The following QKI variants were observed in gnomAD, a reference collection of about 807,000 sequenced individuals.
QKI encodes KH domain-containing RNA-binding protein QKI.
Under a neutral mutation model 39.0 loss-of-function variants are expected in QKI, and 10 were observed. That is an observed-to-expected ratio of 0.26 (90% CI 0.16 to 0.43). The LOEUF (loss-of-function observed/expected upper bound fraction) is 0.43, where lower values mean the gene tolerates loss of function less well. QKI is among the 20% of genes least tolerant of loss of function. The pLI is 1.00. For missense variants in QKI, 218 were observed against 428.0 expected, an observed-to-expected ratio of 0.51 and a Z score of 4.33; for synonymous variants, 204 against 155.4, an observed-to-expected ratio of 1.31 and a Z score of -2.33.
chr6:163,456,638 A>G (rs919603760), intron 2 of QKI, among the ~76,000 whole-genome samples: 3 of 151,718 alleles, frequency 2.0e-5, no homozygotes, highest in African/African-American at 7.3e-5. Context: ...GCAAAAATTG[A>G]TCTGATACTT....
chr6:163,526,692 T>A (rs1780535942), intron 3 of QKI, among the ~76,000 whole-genome samples: 1 of 152,230 alleles, frequency 6.6e-6, no homozygotes, highest in African/African-American at 2.4e-5. Context: ...AATTCACTCT[T>A]CTCAGCCTTA....
intron 2 of QKI, among the ~76,000 whole-genome samples, chr6:163,466,910 A>G (rs1026508793): frequency 6.6e-6 from 1 of 152,194 alleles, no homozygotes; most frequent in African/African-American, 2.4e-5. Flanking sequence ...TGCACAGCAA[A>G]GAAACAATCA....
At chr6:163,550,001 C>G (rs571083077) in intron 4 of QKI, among the ~76,000 whole-genome samples, 18 of 152,298 alleles carry the variant, frequency 1.2e-4, no homozygotes, top group African/African-American at 4.3e-4. Flanking sequence ...GTAAATGAAG[C>G]TTTGACCGTG....
At chr6:163,559,407 T>G (rs1304159196) in intron 4 of QKI, among the ~76,000 whole-genome samples, 2 of 150,570 alleles carry the variant, frequency 1.3e-5, no homozygotes. Flanking sequence ...TTGATAAGTT[T>G]TAATTTTCAA....
intron 3 of QKI, among the ~76,000 whole-genome samples, chr6:163,479,775 TAGTC>T (rs1272365923): frequency 6.6e-6 from 1 of 152,268 alleles, no homozygotes; most frequent in Non-Finnish European, 1.5e-5. Context: ...GTTTGGAAAT[TAGTC>T]AGACTGTAAT....
At chr6:163,506,430 T>C (rs532180190) in intron 3 of QKI, among the ~76,000 whole-genome samples, 2 of 151,924 alleles carry the variant, frequency 1.3e-5, no homozygotes, top group Non-Finnish European at 2.9e-5. Flanking sequence ...ACAGGACATC[T>C]GTAACCACAG....
chr6:163,505,922 G>A (rs1431694021), intron 3 of QKI, among the ~76,000 whole-genome samples: 2 of 152,096 alleles, frequency 1.3e-5, no homozygotes, highest in African/African-American at 4.8e-5. Flanking sequence ...TTCTTGAATT[G>A]TAATTCCCAT....
intron 2 of QKI, chr6:163,457,479 A>G: frequency 2.2e-6 from 1 of 455,964 alleles, no homozygotes; most frequent in Non-Finnish European, 4.4e-6. Context: ...TCCTTGGACC[A>G]TAGTATCTAC....
rs536862599 is a variant in QKI, at chr6:163,512,291, A to AT, written c.403-22687dup. 2.5e-3 allele frequency among the ~76,000 whole-genome samples: 381 copies of AT among 152,190 alleles called. 1 individual carries two copies. Among genetic ancestry groups the AT allele is most frequent in the Non-Finnish European group, 3.4e-3 (234 of 67,906 alleles). On this transcript the variant is annotated intron_variant, in intron 3 of 7. Transcript: ENST00000361752. ...GTCACAAACAAGCCGAAGATGTTTGATTTTACCCTGTCTATTCCAATTTGT... is the reference window on the plus strand; with the variant it reads ...GTCACAAACAAGCCGAAGATGTTTGATTTTTACCCTGTCTATTCCAATTTGT...
At chr6:163,489,848 A>G (rs752746567) in intron 3 of QKI, among the ~76,000 whole-genome samples, 8 of 152,140 alleles carry the variant, frequency 5.3e-5, no homozygotes, top group African/African-American at 1.2e-4. Context: ...TGGGCTGGGC[A>G]TTGAAATTTG....
At chr6:163,559,753 C>T (rs894810379) in intron 4 of QKI, among the ~76,000 whole-genome samples, 1 of 152,122 alleles carries the variant, frequency 6.6e-6, no homozygotes, top group African/African-American at 2.4e-5. Context: ...TTATAGTATA[C>T]CATTCACCAT....
intron 3 of QKI, among the ~76,000 whole-genome samples, chr6:163,493,314 T>C (rs929644023): frequency 6.6e-5 from 10 of 152,076 alleles, no homozygotes; most frequent in African/African-American, 2.4e-4. Context: ...GTATTTCTAA[T>C]AGTGACGGGG....
chr6:163,477,849 C>T (rs770164642), intron 2 of QKI, among the ~76,000 whole-genome samples: 32 of 152,220 alleles, frequency 2.1e-4, no homozygotes, highest in Non-Finnish European at 4.3e-4. Flanking sequence ...GATTTTCTAG[C>T]ACGTTACTTT....
At chr6:163,497,501 G>T (rs1778485132) in intron 3 of QKI, among the ~76,000 whole-genome samples, 1 of 151,510 alleles carries the variant, frequency 6.6e-6, no homozygotes, top group South Asian at 2.1e-4. Flanking sequence ...ATTTTTTGGT[G>T]CAGTGTTTTA....
At chr6:163,567,028 T>G (rs1188660059) in intron 7 of QKI, 1 of 1,165,028 alleles carries the variant, frequency 8.6e-7, no homozygotes, top group Non-Finnish European at 1.1e-6. Context: ...TGTACTATGA[T>G]TTATTCCTAC....
rs1202377725 is a variant in QKI, at chr6:163,573,565, C to A, written c.*2855C>A. 1 of 152,082 alleles carries A rather than the reference C, an allele frequency of 6.6e-6. No individual in the cohort carries two copies. The highest frequency in any genetic ancestry group is 1.5e-5 in the Non-Finnish European group (1 of 68,022). 9.4% of individuals were successfully genotyped at this position (152,082 alleles called of 1,614,324 possible). A position where few individuals can be genotyped will look rare whatever the true frequency, so the allele number is the denominator to read the frequency against. On this transcript the variant is annotated 3_prime_UTR_variant, in exon 8 of 8. Coordinates refer to ENST00000361752, the MANE Select transcript of QKI (RefSeq NM_006775.3). ...TTTTTTCTTGATTGAGAAAAGGATA[C>A]AAAATGCAAAATCCACAATTTTGAT... is the stretch of plus-strand genomic sequence containing the variant.
At chr6:163,452,264 A>G (rs1176554080) in intron 1 of QKI, among the ~76,000 whole-genome samples, 3 of 152,342 alleles carry the variant, frequency 2.0e-5, no homozygotes, top group African/African-American at 7.2e-5. Context: ...CAAACTCAAC[A>G]GTGAGTAAGA....
intron 1 of QKI, among the ~76,000 whole-genome samples, chr6:163,436,812 A>C: frequency 6.7e-6 from 1 of 148,932 alleles, no homozygotes; most frequent in Non-Finnish European, 1.5e-5. Flanking sequence ...AAAAAAAAAA[A>C]AGGGAAGAAG....
intron 2 of QKI, among the ~76,000 whole-genome samples, chr6:163,478,154 T>G (rs1792774078): frequency 6.6e-6 from 1 of 152,136 alleles, no homozygotes; most frequent in African/African-American, 2.4e-5. Flanking sequence ...TATTGTACAG[T>G]TTTTAATTTA....
Sources: gnomAD v4.1 joint callset for allele counts (sites outside exome capture counted in the v4.1 genomes callset) on GRCh38, gnomAD v4.1.1 for gene constraint, MANE v1.5 for transcripts, NCBI Gene and HGNC (gene_info 2026-07-23, HGNC 2026-07-21) for gene names.